The following PXDNL variants were observed in gnomAD, a reference collection of about 807,000 sequenced individuals.
The protein encoded by PXDNL is peroxidasin like, also known as probable oxidoreductase PXDNL.
A neutral mutation model predicts 150.8 loss-of-function variants in PXDNL; 145 were observed. The observed-to-expected ratio is 0.96, with a 90% confidence interval of 0.84 to 1.10. The LOEUF (loss-of-function observed/expected upper bound fraction) is 1.10, where lower values mean the gene tolerates loss of function less well. PXDNL is among the 50% of genes least tolerant of loss of function. The pLI is 0.00. For missense variants in PXDNL, 2,087 were observed against 1,873.9 expected (o/e 1.11, Z -2.10); for synonymous variants, 757 against 725.7 (o/e 1.04, Z -0.69).
At chr8:51,494,085 G>T (rs1223454723) in intron 5 of PXDNL, among the ~76,000 whole-genome samples, 1 of 144,910 alleles carries the variant, frequency 6.9e-6, no homozygotes, top group Admixed American at 6.9e-5. Context: ...GGATCTCTCA[G>T]CAGAAACTCT....
intron 8 of PXDNL, among the ~76,000 whole-genome samples, chr8:51,467,567 C>A (rs906575218): frequency 1.3e-5 from 2 of 152,016 alleles, no homozygotes; most frequent in African/African-American, 4.8e-5. Flanking sequence ...ACCTCAGCAT[C>A]ATGTAGTATA....
intron 19 of PXDNL, among the ~76,000 whole-genome samples, chr8:51,369,060 G>C (rs1807010275): frequency 6.6e-6 from 1 of 152,118 alleles, no homozygotes; most frequent in Non-Finnish European, 1.5e-5. Flanking sequence ...TTTAGTCTGA[G>C]AGTGAGATTA....
chr8:51,688,455 A>T (rs1016124886), intron 1 of PXDNL, among the ~76,000 whole-genome samples: 1 of 152,212 alleles, frequency 6.6e-6, no homozygotes, highest in African/African-American at 2.4e-5. Context: ...GCAACACATT[A>T]ACAATTTATG....
intron 7 of PXDNL, among the ~76,000 whole-genome samples, chr8:51,472,698 C>G (rs1390046785): frequency 2.0e-5 from 3 of 152,174 alleles, no homozygotes; most frequent in African/African-American, 2.4e-5. Context: ...CACCCAACCA[C>G]CCACTTTACA....
At chr8:51,462,121 A>C (rs2130029535) in intron 8 of PXDNL, among the ~76,000 whole-genome samples, 1 of 152,332 alleles carries the variant, frequency 6.6e-6, no homozygotes, top group East Asian at 1.9e-4. Flanking sequence ...TCAAAACCTC[A>C]AGGGAAATAA....
At chr8:51,539,579 G>A (rs1812166761) in intron 4 of PXDNL, among the ~76,000 whole-genome samples, 1 of 152,036 alleles carries the variant, frequency 6.6e-6, no homozygotes, top group Non-Finnish European at 1.5e-5. Context: ...TTTGGGTGTA[G>A]AGTTTTGTTT....
chr8:51,744,304 G>GAAAT, intron 1 of PXDNL, among the ~76,000 whole-genome samples: 1 of 144,980 alleles, frequency 6.9e-6, no homozygotes, highest in East Asian at 2.1e-4. Context: ...AAGAAAGAAA[G>GAAAT]AAAGAGAAAG....
intron 5 of PXDNL, among the ~76,000 whole-genome samples, chr8:51,489,421 T>A (rs1425751109): frequency 6.6e-6 from 1 of 152,156 alleles, no homozygotes; most frequent in Non-Finnish European, 1.5e-5. Flanking sequence ...GCTCAAGCAG[T>A]CCTCCTGCCT....
chr8:51,750,016 T>A (rs2037027679), intron 1 of PXDNL, among the ~76,000 whole-genome samples: 1 of 152,182 alleles, frequency 6.6e-6, no homozygotes, highest in East Asian at 1.9e-4. Flanking sequence ...ACTTATTTTT[T>A]AAAATTTTCT....
intron 1 of PXDNL, among the ~76,000 whole-genome samples, chr8:51,737,737 C>A (rs6986492): frequency 1.5e-5 from 2 of 130,144 alleles, no homozygotes; most frequent in African/African-American, 5.7e-5. Context: ...AGTTATCTTT[C>A]TGCAAAGTTC....
At chr8:51,445,307 A>T (rs1809650106) in intron 12 of PXDNL, among the ~76,000 whole-genome samples, 1 of 152,106 alleles carries the variant, frequency 6.6e-6, no homozygotes, top group African/African-American at 2.4e-5. Flanking sequence ...GTGTGTTCCA[A>T]CTCAACCAAC....
intron 8 of PXDNL, among the ~76,000 whole-genome samples, chr8:51,462,430 T>G (rs1322117290): frequency 6.6e-6 from 1 of 152,090 alleles, no homozygotes; most frequent in Non-Finnish European, 1.5e-5. Flanking sequence ...TGAAAGATAA[T>G]GTAGACATTT....
chr8:51,576,198 C>CAAAAAAAAAAAAAA (rs35166901), intron 3 of PXDNL, among the ~76,000 whole-genome samples: 2 of 109,362 alleles, frequency 1.8e-5, no homozygotes, highest in Non-Finnish European at 2.0e-5. Flanking sequence ...AACACTGCTC[C>CAAAAAAAAAAAAAA]AAAAAAAAAA....
intron 1 of PXDNL, among the ~76,000 whole-genome samples, chr8:51,682,096 CA>C (rs1815762497): frequency 6.6e-6 from 1 of 151,944 alleles, no homozygotes; most frequent in Non-Finnish European, 1.5e-5. Flanking sequence ...AAAATTTTAG[CA>C]AATTATGTTA....
intron 1 of PXDNL, among the ~76,000 whole-genome samples, chr8:51,766,034 C>T (rs138109995): frequency 7.9e-5 from 12 of 152,190 alleles, no homozygotes; most frequent in Non-Finnish European, 1.3e-4. Flanking sequence ...TTAGTAGAGA[C>T]GGGATTTCAG....
intron 1 of PXDNL, among the ~76,000 whole-genome samples, chr8:51,724,771 T>C (rs1004469019): frequency 1.3e-5 from 2 of 152,182 alleles, no homozygotes; most frequent in Non-Finnish European, 2.9e-5. Context: ...TCCCTGTCCA[T>C]GCTTTTTATC....
intron 4 of PXDNL, among the ~76,000 whole-genome samples, chr8:51,501,528 A>T (rs1213173581): frequency 6.6e-6 from 1 of 151,658 alleles, no homozygotes; most frequent in Non-Finnish European, 1.5e-5. Context: ...GTTCACATAC[A>T]CTCTCACATA....
chr8:51,475,676 A>C (rs530981077), intron 6 of PXDNL, among the ~76,000 whole-genome samples: 3 of 152,228 alleles, frequency 2.0e-5, no homozygotes, highest in African/African-American at 7.2e-5. Context: ...GCAGTTTGTT[A>C]CCTGGGTATA....
chr8:51,716,522 G>C (rs1816620100), intron 1 of PXDNL, among the ~76,000 whole-genome samples: 1 of 152,170 alleles, frequency 6.6e-6, no homozygotes, highest in Non-Finnish European at 1.5e-5. Flanking sequence ...AAACAAGGCT[G>C]AATCAATGAA....
Sources: gnomAD v4.1 joint callset for allele counts (sites outside exome capture counted in the v4.1 genomes callset) on GRCh38, gnomAD v4.1.1 for gene constraint, MANE v1.5 for transcripts, NCBI Gene and HGNC (gene_info 2026-07-23, HGNC 2026-07-21) for gene names.